LRP1B: variants seen among roughly 807,000 people sequenced by gnomAD.
The protein encoded by LRP1B is low-density lipoprotein receptor-related protein 1B.
Under a neutral mutation model 556.6 loss-of-function variants are expected in LRP1B, and 217 were observed. The ratio of observed to expected loss-of-function variants is 0.39; its 90% CI spans 0.35 to 0.44. LRP1B has a LOEUF of 0.44. Ranked by LOEUF, LRP1B falls within the 20% of genes least tolerant of loss-of-function variation. The pLI is 1.00. For missense variants in LRP1B, 5,053 were observed against 5,620.8 expected (o/e 0.90, Z 3.23); for synonymous variants, 2,047 against 1,865.8 (o/e 1.10, Z -2.50).
intron 35 of LRP1B, among the ~76,000 whole-genome samples, chr2:140,768,175 T>C (rs1032341087): frequency 2.0e-5 from 3 of 151,938 alleles, no homozygotes; most frequent in South Asian, 2.1e-4. Flanking sequence ...ACAATCTACT[T>C]AAGAAAACTC....
intron 3 of LRP1B, among the ~76,000 whole-genome samples, chr2:141,320,716 T>C (rs767992047): frequency 4.6e-5 from 7 of 152,104 alleles, no homozygotes; most frequent in Non-Finnish European, 8.8e-5. Context: ...GCAGAGAAAG[T>C]TAAGATGTGC....
intron 21 of LRP1B, among the ~76,000 whole-genome samples, chr2:140,911,165 C>T (rs866884235): frequency 1.3e-5 from 2 of 151,762 alleles, no homozygotes; most frequent in Non-Finnish European, 3.0e-5. Context: ...GCATAGAACT[C>T]AGTGTATGTA....
rs116027731 is a variant in LRP1B at position 140,232,810 on chromosome 2, G to A, written c.*376C>T. ...GACACTGTATTACAGCCTTCAAACC[G>A]TATAATGGAAAAGTGCAGAGATTCT... On this transcript the variant is annotated 3_prime_UTR_variant, in exon 91 of 91. Transcript: ENST00000389484. The A allele has an allele frequency of 1.8e-3, 274 of 154,776 alleles. No homozygotes were observed. The highest frequency in any genetic ancestry group is 5.9e-3 in the African/African-American group (244 of 41,538). 9.6% of individuals were successfully genotyped at this position (154,776 alleles called of 1,614,324 possible). A position where few individuals can be genotyped will look rare whatever the true frequency, so the allele number is the denominator to read the frequency against.
intron 41 of LRP1B, among the ~76,000 whole-genome samples, chr2:140,687,444 G>A (rs1686088168): frequency 6.6e-6 from 1 of 152,084 alleles, no homozygotes; most frequent in South Asian, 2.1e-4. Flanking sequence ...TTGCAAATAA[G>A]GCTAACTGGG....
intron 20 of LRP1B, 136 bp downstream of exon 20, chr2:140,950,099 A>G: frequency 1.7e-6 from 1 of 575,430 alleles, no homozygotes; most frequent in South Asian, 3.3e-5. Flanking sequence ...ATAGCAAATG[A>G]TTTTACACAG....
At chr2:140,742,808 C>A (rs116526236) in intron 35 of LRP1B, among the ~76,000 whole-genome samples, 2,055 of 152,022 alleles carry the variant, frequency 0.014, 20 homozygotes, top group Middle Eastern at 0.034. Flanking sequence ...TAAGTATGAA[C>A]TTTATGCCAA....
chr2:141,638,332 T>C (rs1275235614), intron 2 of LRP1B, among the ~76,000 whole-genome samples: 2 of 152,160 alleles, frequency 1.3e-5, no homozygotes, highest in Non-Finnish European at 2.9e-5. Flanking sequence ...GATTCCACCA[T>C]TTTGCTTTGT....
At chr2:141,421,421 T>C (rs867865681) in intron 3 of LRP1B, among the ~76,000 whole-genome samples, 97 of 148,316 alleles carry the variant, frequency 6.5e-4, no homozygotes, top group African/African-American at 2.2e-3. Flanking sequence ...CCCAGCTACT[T>C]GGGAGGCTGA....
At chr2:140,709,858 T>G (rs1228712292) in intron 37 of LRP1B, among the ~76,000 whole-genome samples, 2 of 152,114 alleles carry the variant, frequency 1.3e-5, no homozygotes, top group Non-Finnish European at 2.9e-5. Flanking sequence ...TCTTCATTTT[T>G]AAGTCTTTTA....
At chr2:140,903,546 C>A (rs568244569) in intron 22 of LRP1B, among the ~76,000 whole-genome samples, 97 of 152,016 alleles carry the variant, frequency 6.4e-4, no homozygotes, top group South Asian at 2.3e-3. Flanking sequence ...GATGTACATA[C>A]CATGATGATC....
intron 2 of LRP1B, among the ~76,000 whole-genome samples, chr2:141,535,215 G>A (rs574967092): frequency 1.7e-4 from 26 of 152,212 alleles, no homozygotes; most frequent in Non-Finnish European, 3.7e-4. Flanking sequence ...GTGACCTGCA[G>A]TCCTTCCTCA....
At chr2:140,264,267 C>T (rs537089786) in intron 86 of LRP1B, among the ~76,000 whole-genome samples, 9 of 152,104 alleles carry the variant, frequency 5.9e-5, no homozygotes, top group Admixed American at 1.3e-4. Flanking sequence ...CTTGCTGTGT[C>T]ACTCAGGCTG....
At chr2:140,589,679 G>T (rs748370901) in intron 43 of LRP1B, among the ~76,000 whole-genome samples, 18 of 152,152 alleles carry the variant, frequency 1.2e-4, no homozygotes, top group Admixed American at 4.6e-4. Context: ...TGAATGGAAA[G>T]GGTCAGTCCC....
In LRP1B at chr2:140,991,061, A is replaced by T. The variant is rs1354254909; in HGVS notation, c.2645-1404T>A. Among the ~76,000 whole-genome samples the T allele has an allele frequency of 2.6e-5, 4 of 151,698 alleles. No individual in the cohort carries two copies. The East Asian group carries it at 7.7e-4, about 29-fold the overall frequency. On this transcript the variant is annotated intron_variant, in intron 16 of 90. Coordinates refer to ENST00000389484, the MANE Select transcript of LRP1B (RefSeq NM_018557.3). ...TAAAAAAACAAAACAAAACAAAAAA[A>T]TAGGGAGAAAAGCTTTATATTCTCT...
At chr2:141,761,555 G>T (rs1443681913) in intron 2 of LRP1B, among the ~76,000 whole-genome samples, 2 of 152,102 alleles carry the variant, frequency 1.3e-5, no homozygotes, top group Non-Finnish European at 2.9e-5. Flanking sequence ...AAAAGCTTGA[G>T]ATGTGCTATT....
chr2:140,243,027 C>T (rs2104891489), intron 87 of LRP1B, among the ~76,000 whole-genome samples: 1 of 150,994 alleles, frequency 6.6e-6, no homozygotes, highest in Middle Eastern at 3.4e-3. Context: ...GGAAGTATCA[C>T]CACTTTTCAG....
chr2:140,323,517 T>C (rs1389309371), intron 81 of LRP1B, among the ~76,000 whole-genome samples: 1 of 152,040 alleles, frequency 6.6e-6, no homozygotes, highest in Non-Finnish European at 1.5e-5. Flanking sequence ...GATGAGTTAC[T>C]GGGTGCAGCA....
chr2:141,702,722 T>C (rs1414868473), intron 2 of LRP1B, among the ~76,000 whole-genome samples: 1 of 151,732 alleles, frequency 6.6e-6, no homozygotes, highest in South Asian at 2.1e-4. Flanking sequence ...GAAAAAAAAG[T>C]CAAGATGCAA....
intron 2 of LRP1B, among the ~76,000 whole-genome samples, chr2:141,753,674 G>A (rs529115000): frequency 2.6e-5 from 4 of 151,974 alleles, no homozygotes; most frequent in Admixed American, 1.3e-4. Flanking sequence ...AAGTCACTTC[G>A]TTATTGAAAC....
Sources: gnomAD v4.1 joint callset for allele counts (sites outside exome capture counted in the v4.1 genomes callset) on GRCh38, gnomAD v4.1.1 for gene constraint, MANE v1.5 for transcripts, NCBI Gene and HGNC (gene_info 2026-07-23, HGNC 2026-07-21) for gene names.